Variants in SGCD observed in about 807,000 individuals in gnomAD.
SGCD encodes delta-sarcoglycan.
In SGCD, 18 loss-of-function variants were observed where a neutral mutation model predicts 36.6. The observed-to-expected ratio is 0.49, with a 90% CI of 0.34 to 0.73. The LOEUF is 0.73. Ranked by LOEUF, SGCD falls within the 30% of genes least tolerant of loss-of-function variation. The pLI is 0.01. For synonymous variants in SGCD, 133 were observed against 130.6 expected (o/e 1.02, Z -0.12); for missense variants, 387 against 346.7 (o/e 1.12, Z -0.92).
At chr5:156,187,953 G>C (rs756939694) in intron 3 of SGCD, among the ~76,000 whole-genome samples, 2 of 152,156 alleles carry the variant, frequency 1.3e-5, no homozygotes, top group Admixed American at 6.5e-5. Flanking sequence ...AGAAATATGT[G>C]TTCTTAACAG....
At chr5:155,972,957 C>T (rs951250859) in intron 1 of SGCD, among the ~76,000 whole-genome samples, 4 of 152,134 alleles carry the variant, frequency 2.6e-5, no homozygotes, top group African/African-American at 7.2e-5. Context: ...AGATATGTCA[C>T]ATATGTCGTT....
chr5:156,506,905 G>T (rs1756726247), intron 3 of SGCD, among the ~76,000 whole-genome samples: 1 of 152,134 alleles, frequency 6.6e-6, no homozygotes, highest in Non-Finnish European at 1.5e-5. Context: ...TTCCCAGCTA[G>T]TAAATTAAGA....
chr5:156,229,741 TC>T (rs1260224330), intron 3 of SGCD, among the ~76,000 whole-genome samples: 1 of 152,106 alleles, frequency 6.6e-6, no homozygotes, highest in Non-Finnish European at 1.5e-5. Flanking sequence ...CCTTGATTGT[TC>T]CCCCAAATAT....
At chr5:156,094,525 G>A (rs1223358931) in intron 1 of SGCD, among the ~76,000 whole-genome samples, 2 of 152,090 alleles carry the variant, frequency 1.3e-5, no homozygotes, top group Non-Finnish European at 2.9e-5. Context: ...ATTTTAGCTG[G>A]ATTAGGGTCC....
intron 7 of SGCD, among the ~76,000 whole-genome samples, chr5:156,736,259 TTG>T (rs1213562493): frequency 6.6e-6 from 1 of 152,196 alleles, no homozygotes; most frequent in African/African-American, 2.4e-5. Context: ...TGGCCACTCT[TTG>T]TGTTTACTTA....
At chr5:156,069,323 T>G (rs1177908881) in intron 1 of SGCD, among the ~76,000 whole-genome samples, 3 of 152,034 alleles carry the variant, frequency 2.0e-5, no homozygotes, top group South Asian at 2.1e-4. Flanking sequence ...AAGGGATCCA[T>G]TTTCAGCTTT....
intron 1 of SGCD, among the ~76,000 whole-genome samples, chr5:155,971,119 A>G (rs1215025106): frequency 6.6e-6 from 1 of 152,154 alleles, no homozygotes; most frequent in African/African-American, 2.4e-5. Flanking sequence ...TTTTGGGAAG[A>G]TCACCATCTG....
intron 6 of SGCD, among the ~76,000 whole-genome samples, chr5:156,638,866 A>G (rs1174540734): frequency 6.6e-6 from 1 of 152,170 alleles, no homozygotes; most frequent in Admixed American, 6.5e-5. Flanking sequence ...CAAATTCTAC[A>G]CAATGTTTAA....
intron 3 of SGCD, among the ~76,000 whole-genome samples, chr5:156,305,639 C>T (rs926364690): frequency 6.6e-6 from 1 of 152,100 alleles, no homozygotes. Context: ...AGAAGAGCAC[C>T]GTCATCCTCC....
upstream of SGCD, among the ~76,000 whole-genome samples, chr5:155,868,006 C>G (rs536288177): frequency 6.6e-6 from 1 of 152,064 alleles, no homozygotes; most frequent in Non-Finnish European, 1.5e-5. Context: ...TCAAAAAGGG[C>G]TGTGTAAAAT....
At chr5:155,772,224 C>T in the SGCD span, among the ~76,000 whole-genome samples, 113 of 152,226 alleles carry the variant, frequency 7.4e-4, 1 homozygote, top group South Asian at 4.6e-3. Flanking sequence ...ATAAGGAGGG[C>T]GCTGTTTCTC....
At chr5:156,693,300 G>C (rs1488013263) in intron 7 of SGCD, among the ~76,000 whole-genome samples, 1 of 152,132 alleles carries the variant, frequency 6.6e-6, no homozygotes, top group Non-Finnish European at 1.5e-5. Flanking sequence ...TAAGTTTAGA[G>C]CTAATATTTG....
intron 4 of SGCD, among the ~76,000 whole-genome samples, chr5:156,545,648 G>A (rs1039659835): frequency 1.3e-5 from 2 of 152,104 alleles, no homozygotes; most frequent in Admixed American, 6.5e-5. Context: ...GATCTGACAG[G>A]AGGTAGAGCT....
At chr5:156,591,588 C>T (rs1561800384) in intron 5 of SGCD, among the ~76,000 whole-genome samples, 1 of 152,208 alleles carries the variant, frequency 6.6e-6, no homozygotes, top group African/African-American at 2.4e-5. Context: ...TTGCACCTCC[C>T]AGACTCATGG....
intron 1 of SGCD, among the ~76,000 whole-genome samples, chr5:156,044,476 A>G (rs10045135): frequency 1.3e-3 from 205 of 152,294 alleles, no homozygotes; most frequent in African/African-American, 4.7e-3. Context: ...TGCTTCAGCT[A>G]TAAATGAATG....
rs143973984 is a variant in SGCD at position 156,188,842 on chromosome 5, A to G, written c.-44+64823A>G. On this transcript the variant is annotated intron_variant, in intron 3 of 9. Coordinates refer to the SGCD transcript ENST00000517913. ...GACCCTTTTACAAATTAATATACAA[A>G]TTAATCTCTGATCCATTCATTCTCC... 4.6e-3 allele frequency among the ~76,000 whole-genome samples: 702 copies of G among 152,182 alleles called. 2 individuals carry two copies. The highest frequency in any genetic ancestry group is 8.6e-3 in the Admixed American group (132 of 15,284).
intron 1 of SGCD, among the ~76,000 whole-genome samples, chr5:156,029,659 A>T (rs1204149709): frequency 6.6e-6 from 1 of 152,214 alleles, no homozygotes; most frequent in Non-Finnish European, 1.5e-5. Flanking sequence ...CAGGAAAAAT[A>T]GAGAAGAGAC....
chr5:156,030,432 T>C (rs1303972081), intron 1 of SGCD, among the ~76,000 whole-genome samples: 2 of 152,158 alleles, frequency 1.3e-5, no homozygotes, highest in African/African-American at 2.4e-5. Context: ...GTGGCATGTC[T>C]ACAAGCCAAG....
chr5:156,491,608 AT>A (rs1755942350), intron 3 of SGCD, among the ~76,000 whole-genome samples: 1 of 152,160 alleles, frequency 6.6e-6, no homozygotes, highest in Non-Finnish European at 1.5e-5. Flanking sequence ...ATCAATGAAA[AT>A]TTTTTAAAAA....
Sources: gnomAD v4.1 joint callset for allele counts (sites outside exome capture counted in the v4.1 genomes callset) on GRCh38, gnomAD v4.1.1 for gene constraint, MANE v1.5 for transcripts, NCBI Gene and HGNC (gene_info 2026-07-23, HGNC 2026-07-21) for gene names.